The following AKR1C3 variants were observed in gnomAD, a reference collection of about 807,000 sequenced individuals.
AKR1C3 encodes 3-alpha hydroxysteroid dehydrogenase, type II.
AKR1C3 carries 48 observed loss-of-function variants against 43.6 expected under a neutral mutation model. That is an observed-to-expected ratio of 1.10 (90% CI 0.87 to 1.40). The LOEUF is 1.40. Among genes scored for constraint, AKR1C3 ranks in the 40% most tolerant of loss-of-function variants. The pLI, the probability that AKR1C3 is intolerant of heterozygous loss-of-function variation, is 0.00. For synonymous variants in AKR1C3, 162 were observed against 139.6 expected, an observed-to-expected ratio of 1.16 and a Z score of -1.13; for missense variants, 482 against 391.2, an observed-to-expected ratio of 1.23 and a Z score of -1.96.
chr10:5,102,052 C>A, intron 5 of AKR1C3, 49 bp from the exon 6 acceptor site: 1 of 1,159,312 alleles, frequency 8.6e-7, no homozygotes, highest in Non-Finnish European at 1.3e-6. Flanking sequence ...TCAATATTAA[C>A]ATAACTATTT....
At chr10:5,050,309 T>C in intron 1 of AKR1C3, among the ~76,000 whole-genome samples, 1 of 152,240 alleles carries the variant, frequency 6.6e-6, no homozygotes, top group East Asian at 1.9e-4. Context: ...TTTTCTGCAA[T>C]ATGGAGATCT....
chr10:5,096,981 T>C (rs1839222212), intron 2 of AKR1C3, among the ~76,000 whole-genome samples: 1 of 152,204 alleles, frequency 6.6e-6, no homozygotes, highest in Admixed American at 6.5e-5. Context: ...TATTAAATAA[T>C]AGACACTTAA....
chr10:5,107,424 G>A (rs782704032), intron 8 of AKR1C3, 37 bp from the exon 9 acceptor site: 4 of 1,405,512 alleles, frequency 2.8e-6, no homozygotes, highest in East Asian at 2.3e-5. Flanking sequence ...TAGTAATGGA[G>A]TCATTGCATT....
rs534103440 is a variant in AKR1C3 at position 5,052,965 on chromosome 10, T to A, written c.84+4070T>A. Among the ~76,000 whole-genome samples, 25 of 152,258 alleles carry A rather than the reference T, an allele frequency of 1.6e-4. 1 individual carries two copies. In the South Asian group the frequency reaches 5.0e-3, roughly 30 times the overall value. ...GAGTAGCTAGATACAGAGTGCCGAT[T>A]GGTGCATTCACAAACCCTGAGCTAG... On this transcript the variant is annotated intron_variant, in intron 1 of 8. Coordinates refer to the AKR1C3 transcript ENST00000439082.
intron 3 of AKR1C3, 83 bp downstream of exon 3, chr10:5,097,633 T>TA (rs1426464284): frequency 6.2e-7 from 1 of 1,603,726 alleles, no homozygotes; most frequent in African/African-American, 1.3e-5. Flanking sequence ...CAGAGCTTTT[T>TA]ATTAGGAGGA....
intron 1 of AKR1C3, among the ~76,000 whole-genome samples, chr10:5,084,086 G>A (rs7907985): frequency 0.84 from 128,237 of 152,120 alleles, 54,063 homozygotes; most frequent in Middle Eastern, 0.91. Context: ...GTTTAATTAG[G>A]TCCCATTTGT....
intron 1 of AKR1C3, among the ~76,000 whole-genome samples, chr10:5,058,528 C>A (rs1241791580): frequency 2.0e-5 from 3 of 152,144 alleles, no homozygotes; most frequent in Non-Finnish European, 2.9e-5. Context: ...ATCTGAAAGA[C>A]AAAATTGCCT....
intron 7 of AKR1C3, among the ~76,000 whole-genome samples, chr10:5,104,409 ACATT>A (rs68117564): frequency 0.26 from 39,627 of 152,026 alleles, 5,390 homozygotes; most frequent in Middle Eastern, 0.37. Context: ...CATAAATGAA[ACATT>A]CATTCACAAA....
intron 1 of AKR1C3, among the ~76,000 whole-genome samples, chr10:5,070,443 C>T (rs534215485): frequency 5.3e-5 from 8 of 152,284 alleles, no homozygotes; most frequent in East Asian, 1.9e-4. Context: ...TCAAGGGCCT[C>T]GTTACAGAAT....
chr10:5,103,903 G>T (rs1008207237), intron 7 of AKR1C3, among the ~76,000 whole-genome samples: 1 of 152,090 alleles, frequency 6.6e-6, no homozygotes, highest in South Asian at 2.1e-4. Flanking sequence ...ATCTATGATG[G>T]ATTAATATAT....
chr10:5,102,073 G>T, intron 5 of AKR1C3, 28 bp from the exon 6 acceptor site: 1 of 1,343,498 alleles, frequency 7.4e-7, no homozygotes, highest in Non-Finnish European at 1.1e-6. Flanking sequence ...CATATAAATT[G>T]ATGCTTCTCT....
At chr10:5,071,942 A>C (rs187088814) in intron 1 of AKR1C3, among the ~76,000 whole-genome samples, 8 of 152,284 alleles carry the variant, frequency 5.3e-5, no homozygotes. Context: ...AGTTCAGTTC[A>C]GTTCACGCTG....
intron 1 of AKR1C3, among the ~76,000 whole-genome samples, chr10:5,082,131 G>T (rs1838850910): frequency 6.6e-6 from 1 of 152,076 alleles, no homozygotes; most frequent in Non-Finnish European, 1.5e-5. Flanking sequence ...CTGCTCCTTG[G>T]TCCACTCCTC....
At chr10:5,085,029 AC>A (rs1554782852) in intron 1 of AKR1C3, among the ~76,000 whole-genome samples, 1 of 152,158 alleles carries the variant, frequency 6.6e-6, no homozygotes, top group East Asian at 1.9e-4. Context: ...GCAAACAGGG[AC>A]AATTTGACTT....
At chr10:5,070,858 T>G (rs574154314) in intron 1 of AKR1C3, among the ~76,000 whole-genome samples, 1 of 152,286 alleles carries the variant, frequency 6.6e-6, no homozygotes. Context: ...TGCCTGATAT[T>G]TATAACTAAC....
upstream of AKR1C3, chr10:5,094,113 CAT>C (rs1255251184): frequency 1.6e-5 from 3 of 188,622 alleles, no homozygotes; most frequent in Non-Finnish European, 3.3e-5. Flanking sequence ...TATAGTCTAA[CAT>C]ATGGTTGCTA....
chr10:5,101,748 C>T (rs538470078), intron 5 of AKR1C3, among the ~76,000 whole-genome samples: 13 of 152,132 alleles, frequency 8.5e-5, no homozygotes, highest in Non-Finnish European at 1.5e-4. Flanking sequence ...CTTGCACTCA[C>T]GAGTCCTTGA....
intron 1 of AKR1C3, among the ~76,000 whole-genome samples, chr10:5,054,053 T>C (rs1838211448): frequency 6.6e-6 from 1 of 152,234 alleles, no homozygotes; most frequent in African/African-American, 2.4e-5. Flanking sequence ...CGTTGTCTGA[T>C]TTCAGAAGCC....
chr10:5,098,528 G>A (rs193235249), intron 3 of AKR1C3, among the ~76,000 whole-genome samples: 147 of 152,252 alleles, frequency 9.7e-4, no homozygotes, highest in South Asian at 2.7e-3. Context: ...TTATAAGGGC[G>A]GAATAAAGTG....
Sources: gnomAD v4.1 joint callset for allele counts (sites outside exome capture counted in the v4.1 genomes callset) on GRCh38, gnomAD v4.1.1 for gene constraint, MANE v1.5 for transcripts, NCBI Gene and HGNC (gene_info 2026-07-23, HGNC 2026-07-21) for gene names.